ROBO2: variants seen among roughly 807,000 people sequenced by gnomAD.
The protein encoded by ROBO2 is roundabout guidance receptor 2, also known as roundabout homolog 2.
In ROBO2, 53 loss-of-function variants were observed where a neutral mutation model predicts 160.8. The ratio of observed to expected loss-of-function variants is 0.33; its 90% CI spans 0.26 to 0.41. The LOEUF (loss-of-function observed/expected upper bound fraction) is 0.41. Ranked by LOEUF, ROBO2 falls within the 10% of genes least tolerant of loss-of-function variation. The pLI is 1.00. For missense variants in ROBO2, 1,577 were observed against 1,722.4 expected (o/e 0.92, Z 1.49); for synonymous variants, 664 against 611.7 (o/e 1.09, Z -1.26).
At chr3:76,966,532 T>C (rs1462690010) in intron 2 of ROBO2, among the ~76,000 whole-genome samples, 2 of 152,092 alleles carry the variant, frequency 1.3e-5, no homozygotes, top group African/African-American at 4.8e-5. Context: ...ATCATCGGAG[T>C]AAAGATGAAG....
intron 20 of ROBO2, among the ~76,000 whole-genome samples, chr3:77,604,344 A>C (rs1261484755): frequency 1.3e-5 from 2 of 152,162 alleles, no homozygotes; most frequent in Admixed American, 1.3e-4. Flanking sequence ...TATTTCATTA[A>C]AGATATGCAA....
chr3:77,597,047 A>T (rs1016463687), intron 19 of ROBO2, among the ~76,000 whole-genome samples: 2 of 152,018 alleles, frequency 1.3e-5, no homozygotes, highest in Non-Finnish European at 2.9e-5. Flanking sequence ...CTGAACTCAG[A>T]GACTATTTTG....
At chr3:76,798,484 A>G (rs1472456821) in intron 2 of ROBO2, among the ~76,000 whole-genome samples, 1 of 152,218 alleles carries the variant, frequency 6.6e-6, no homozygotes, top group Non-Finnish European at 1.5e-5. Context: ...CAAGTCAGTC[A>G]ATGTGATACA....
exon 26 of ROBO2, chr3:77,649,036 T>C (rs2095431595): frequency 6.6e-6 from 1 of 152,208 alleles, no homozygotes; most frequent in African/African-American, 2.4e-5. Context: ...TATGCCAGTG[T>C]ATGCAGGTGG....
At chr3:76,297,479 T>TA (rs1709131830) in intron 2 of ROBO2, among the ~76,000 whole-genome samples, 1 of 152,178 alleles carries the variant, frequency 6.6e-6, no homozygotes, top group Non-Finnish European at 1.5e-5. Flanking sequence ...CCTCATTGTA[T>TA]AATTATGTTT....
chr3:76,227,508 G>C (rs1704361773), intron 2 of ROBO2, among the ~76,000 whole-genome samples: 1 of 152,112 alleles, frequency 6.6e-6, no homozygotes, highest in African/African-American at 2.4e-5. Flanking sequence ...GTATATATTT[G>C]TTTCTTCTGT....
intron 2 of ROBO2, among the ~76,000 whole-genome samples, chr3:76,385,851 G>C (rs890444054): frequency 6.6e-6 from 1 of 152,072 alleles, no homozygotes; most frequent in African/African-American, 2.4e-5. Context: ...TCTGCAATGT[G>C]ACTATTCATT....
At chr3:76,321,584 C>G (rs1452866754) in intron 2 of ROBO2, among the ~76,000 whole-genome samples, 6 of 152,164 alleles carry the variant, frequency 3.9e-5, no homozygotes, top group Non-Finnish European at 4.4e-5. Context: ...ACTAATGTTA[C>G]ATGGTAGTCC....
chr3:76,429,304 T>C (rs560975776), intron 2 of ROBO2, among the ~76,000 whole-genome samples: 50 of 152,246 alleles, frequency 3.3e-4, no homozygotes, highest in African/African-American at 1.2e-3. Context: ...CTTATTCTTA[T>C]GTGGGTAAAA....
intron 1 of ROBO2, among the ~76,000 whole-genome samples, chr3:75,912,578 T>C (rs1946643970): frequency 6.6e-6 from 1 of 152,190 alleles, no homozygotes; most frequent in Admixed American, 6.5e-5. Context: ...TTAAAAGAAT[T>C]TAATTTTAGA....
chr3:76,657,992 A>C (rs914820145), intron 2 of ROBO2, among the ~76,000 whole-genome samples: 1 of 149,088 alleles, frequency 6.7e-6, no homozygotes, highest in East Asian at 2.0e-4. Context: ...ACTTGAGCCC[A>C]GGGCGTTGAG....
Position 77,468,642 on chromosome 3 carries a change from C to T in ROBO2, c.389-8772C>T, listed in dbSNP as rs370554291. On this transcript the variant is annotated intron_variant, in intron 2 of 25. Coordinates refer to ENST00000461745, the Ensembl canonical transcript of ROBO2. ...AAGAAACTCGAAGCTGGCCATTCCT[C>T]CTGTGTGAATTATGTTTGTGTTTGT... is the stretch of plus-strand genomic sequence containing the variant. Among the ~76,000 whole-genome samples, 12 of 152,174 alleles carry T rather than the reference C, an allele frequency of 7.9e-5. No homozygotes were observed. In the East Asian group the frequency reaches 1.2e-3, roughly 15 times the overall value.
chr3:75,981,176 T>C (rs2065264265), intron 2 of ROBO2, among the ~76,000 whole-genome samples: 1 of 151,520 alleles, frequency 6.6e-6, no homozygotes, highest in Non-Finnish European at 1.5e-5. Flanking sequence ...TTTTCAGCAA[T>C]ATTTTAGAGC....
At chr3:76,837,501 G>GT (rs1304119243) in intron 2 of ROBO2, among the ~76,000 whole-genome samples, 3 of 150,098 alleles carry the variant, frequency 2.0e-5, no homozygotes, top group Non-Finnish European at 3.0e-5. Context: ...ATTTTACATA[G>GT]TTTTTTTTCT....
chr3:77,108,668 G>T (rs1305025968), intron 2 of ROBO2, among the ~76,000 whole-genome samples: 1 of 152,116 alleles, frequency 6.6e-6, no homozygotes. Context: ...CTGCAGGAGT[G>T]AGGAGGGGCC....
chr3:76,991,609 A>G (rs1268978044), intron 2 of ROBO2, among the ~76,000 whole-genome samples: 5 of 152,210 alleles, frequency 3.3e-5, no homozygotes, highest in Non-Finnish European at 7.3e-5. Context: ...CGTTTTGAAG[A>G]GATAATAAGT....
At chr3:77,360,358 A>T (rs1430611300) in intron 2 of ROBO2, among the ~76,000 whole-genome samples, 1 of 151,144 alleles carries the variant, frequency 6.6e-6, no homozygotes, top group Non-Finnish European at 1.5e-5. Context: ...AAATTCAGTG[A>T]TTATAAATTT....
chr3:76,121,750 C>T (rs747860687), intron 2 of ROBO2, among the ~76,000 whole-genome samples: 2 of 152,136 alleles, frequency 1.3e-5, no homozygotes, highest in Non-Finnish European at 2.9e-5. Flanking sequence ...AGCCATACTT[C>T]GCTCTGTGAT....
At chr3:76,740,796 T>A (rs1194180470) in intron 2 of ROBO2, among the ~76,000 whole-genome samples, 1 of 152,126 alleles carries the variant, frequency 6.6e-6, no homozygotes, top group African/African-American at 2.4e-5. Flanking sequence ...TTCCAAGATT[T>A]TTTCTTACAT....
Sources: gnomAD v4.1 joint callset for allele counts (sites outside exome capture counted in the v4.1 genomes callset) on GRCh38, gnomAD v4.1.1 for gene constraint, MANE v1.5 for transcripts, NCBI Gene and HGNC (gene_info 2026-07-23, HGNC 2026-07-21) for gene names.